VKORC1L1: variants seen among roughly 807,000 people sequenced by gnomAD.
VKORC1L1 encodes the protein vitamin K epoxide reductase complex subunit 1-like protein 1.
Under a neutral mutation model 18.9 loss-of-function variants are expected in VKORC1L1, and 2 were observed. That is an observed-to-expected ratio of 0.11 (90% CI 0.04 to 0.33). The LOEUF (loss-of-function observed/expected upper bound fraction) is 0.33. VKORC1L1 is among the 10% of genes least tolerant of loss of function. The pLI, the probability that VKORC1L1 is intolerant of heterozygous loss-of-function variation, is 1.00. For missense variants in VKORC1L1, 123 were observed against 224.1 expected (o/e 0.55, Z 2.88); for synonymous variants, 96 against 100.0 (o/e 0.96, Z 0.24).
chr7:65,936,163 T>C (rs1427810382), intron 1 of VKORC1L1, among the ~76,000 whole-genome samples: 1 of 152,110 alleles, frequency 6.6e-6, no homozygotes, highest in East Asian at 1.9e-4. Flanking sequence ...TTACTTTTTC[T>C]CTGCTGAGAA....
At chr7:65,914,377 C>T (rs754772088) in intron 1 of VKORC1L1, among the ~76,000 whole-genome samples, 5 of 152,256 alleles carry the variant, frequency 3.3e-5, no homozygotes, top group Admixed American at 6.5e-5. Context: ...GCTGGGATTA[C>T]AGGCGTGAGT....
intron 1 of VKORC1L1, among the ~76,000 whole-genome samples, chr7:65,881,681 G>A (rs1162380620): frequency 4.6e-5 from 7 of 152,224 alleles, no homozygotes; most frequent in Admixed American, 4.6e-4. Flanking sequence ...CAAAACTGGT[G>A]AAACCTGAAT....
At chr7:65,932,829 C>T (rs1032630481) in intron 1 of VKORC1L1, among the ~76,000 whole-genome samples, 1 of 152,098 alleles carries the variant, frequency 6.6e-6, no homozygotes, top group Non-Finnish European at 1.5e-5. Context: ...CCTGTAATCC[C>T]AGCACTTTGG....
Position 65,954,229 on chromosome 7 carries a change from A to G in VKORC1L1, c.460A>G (p.Ile154Val). Residue 154 changes from isoleucine (I) to valine (V), a missense_variant, in exon 3 of 3, where the codon ATT becomes GTT. Physicochemically the swap from Ile to Val is conservative, Grantham distance 29. Around this residue, in one of 4 missense-constraint regions of VKORC1L1, gnomAD observed 41 missense variants for 61.6 expected, o/e 0.67. Coordinates refer to ENST00000360768, the MANE Select transcript of VKORC1L1 (RefSeq NM_173517.6). ...GTACGTGCTGAACTTCCTTCTTCTC[A>G]TTATCAACTACAAACGACTAGTTTA... is the stretch of plus-strand genomic sequence containing the variant. ...VTYVLNFLLL[I>V]INYKRLVYLN... is the part of the protein sequence containing the mutation. 2 of 1,614,036 alleles carry G rather than the reference A, an allele frequency of 1.2e-6. No homozygotes were observed. The highest frequency in any genetic ancestry group is 1.7e-6 in the Non-Finnish European group (2 of 1,180,014).
At chr7:65,924,121 C>A (rs1202586802) in intron 1 of VKORC1L1, among the ~76,000 whole-genome samples, 1 of 152,144 alleles carries the variant, frequency 6.6e-6, no homozygotes, top group Non-Finnish European at 1.5e-5. Context: ...GGTGATCTAG[C>A]CGGGGTAGGC....
chr7:65,929,482 C>T (rs902255809), intron 1 of VKORC1L1, among the ~76,000 whole-genome samples: 1 of 151,950 alleles, frequency 6.6e-6, no homozygotes, highest in African/African-American at 2.4e-5. Context: ...TTGTGTCTGT[C>T]CTTTCACCAC....
rs1342724447 is a variant in VKORC1L1, at chr7:65,948,458, CT to C, written c.195-210del. On this transcript the variant is annotated intron_variant, in intron 1 of 2. Transcript: ENST00000360768. ...GAGATTCAGATGGGTATACTGGCAC[CT>C]TTAGATATGTTCATTTTAGATGATT... is the stretch of plus-strand genomic sequence containing the variant. 8.1e-5 allele frequency among the ~76,000 whole-genome samples: 10 copies of C among 123,648 alleles called. No homozygotes were observed. The Admixed American group carries it at 9.1e-4, about 11-fold the overall frequency. The allele number at this position is 123,648 out of a possible 152,430, so 81.1% of individuals were successfully genotyped here. A position where few individuals can be genotyped will look rare whatever the true frequency, so the allele number is the denominator to read the frequency against.
chr7:65,946,375 G>A (rs1790119154), intron 1 of VKORC1L1, among the ~76,000 whole-genome samples: 1 of 152,098 alleles, frequency 6.6e-6, no homozygotes, highest in African/African-American at 2.4e-5. Context: ...GGAGCTTGCT[G>A]CACCCCTTCT....
At chr7:65,867,772 G>T in the VKORC1L1 span, among the ~76,000 whole-genome samples, 1 of 152,182 alleles carries the variant, frequency 6.6e-6, no homozygotes, top group African/African-American at 2.4e-5. Flanking sequence ...GCCAGTCACA[G>T]ACCTTCTTGA....
At chr7:65,906,562 T>G (rs1789410031) in intron 1 of VKORC1L1, among the ~76,000 whole-genome samples, 1 of 152,120 alleles carries the variant, frequency 6.6e-6, no homozygotes, top group African/African-American at 2.4e-5. Context: ...CACTGCCTAT[T>G]TTTGAGAGGA....
chr7:65,938,849 A>C (rs1180002937), intron 1 of VKORC1L1, among the ~76,000 whole-genome samples: 1 of 152,152 alleles, frequency 6.6e-6, no homozygotes, highest in Non-Finnish European at 1.5e-5. Flanking sequence ...AACCATGGGG[A>C]ATGCTCATGA....
chr7:65,929,196 G>T (rs1176314685), intron 1 of VKORC1L1, among the ~76,000 whole-genome samples: 1 of 152,142 alleles, frequency 6.6e-6, no homozygotes, highest in Non-Finnish European at 1.5e-5. Flanking sequence ...ATCACCTGAG[G>T]TCAGGAGTTC....
chr7:65,909,906 CAG>C (rs1789475426), intron 1 of VKORC1L1, among the ~76,000 whole-genome samples: 2 of 151,972 alleles, frequency 1.3e-5, no homozygotes, highest in South Asian at 4.1e-4. Flanking sequence ...TTAATAGAGA[CAG>C]GGTTTCAGGA....
intron 1 of VKORC1L1, among the ~76,000 whole-genome samples, chr7:65,880,830 C>CT (rs1788916069): frequency 6.6e-6 from 1 of 152,172 alleles, no homozygotes; most frequent in Non-Finnish European, 1.5e-5. Context: ...ACCAGGCGTT[C>CT]TTATAAACCA....
At chr7:65,904,664 A>T (rs1012634891) in intron 1 of VKORC1L1, among the ~76,000 whole-genome samples, 2 of 152,216 alleles carry the variant, frequency 1.3e-5, no homozygotes, top group Non-Finnish European at 1.5e-5. Flanking sequence ...TAGAATTCTA[A>T]AAAGTAATTA....
intron 1 of VKORC1L1, among the ~76,000 whole-genome samples, chr7:65,904,232 A>C (rs1444519346): frequency 6.6e-6 from 1 of 152,196 alleles, no homozygotes; most frequent in Non-Finnish European, 1.5e-5. Context: ...TATTTGAGAC[A>C]GAGTATCACT....
intron 1 of VKORC1L1, among the ~76,000 whole-genome samples, chr7:65,903,817 A>C (rs1168653232): frequency 6.6e-6 from 1 of 151,784 alleles, no homozygotes. Context: ...TGTTGCCAGC[A>C]GACCTGCACA....
At chr7:65,868,416 G>A (rs1282944808), upstream of VKORC1L1, among the ~76,000 whole-genome samples, 1 of 152,176 alleles carries the variant, frequency 6.6e-6, no homozygotes, top group African/African-American at 2.4e-5. Context: ...ACAGTAGGGA[G>A]ATTTCTCAAA....
At position 65,944,328 on chromosome 7, in the gene VKORC1L1, C is replaced by T. The variant is rs181188245; in HGVS notation, c.195-4343C>T. Among the ~76,000 whole-genome samples, 6 of 152,272 alleles carry T rather than the reference C, an allele frequency of 3.9e-5. No homozygotes were observed. In the East Asian group the frequency reaches 5.8e-4, roughly 15 times the overall value. On this transcript the variant is annotated intron_variant, in intron 1 of 2. Transcript: ENST00000360768. ...AGGTTGCAGTGAGCCGAGATAGCAC[C>T]ACTACACTCTGGCCTGGGTGACAGA...
Sources: allele counts gnomAD v4.1 joint callset (sites outside exome capture counted in the v4.1 genomes callset), GRCh38; gene constraint gnomAD v4.1.1; regional missense constraint gnomAD v4.1.1; transcripts MANE v1.5; gene names NCBI Gene and HGNC (gene_info 2026-07-23, HGNC 2026-07-21).